The following WDR73 variants were observed in gnomAD, a reference collection of about 807,000 sequenced individuals.
WDR73 encodes the protein integrator complex assembly factor WDR73.
A neutral mutation model predicts 38.2 loss-of-function variants in WDR73; 30 were observed. That is an observed-to-expected ratio of 0.79 (90% CI 0.59 to 1.06). WDR73 has a LOEUF of 1.06. WDR73 is among the 50% of genes least tolerant of loss of function. The pLI, the probability that WDR73 is intolerant of heterozygous loss-of-function variation, is 0.00. For synonymous variants in WDR73, 197 were observed against 176.0 expected (o/e 1.12, Z -0.94); for missense variants, 487 against 467.0 (o/e 1.04, Z -0.40).
At chr15:84,648,395 C>T (rs1296511161) in intron 4 of WDR73, 142 bp downstream of exon 4, 22 of 660,944 alleles carry the variant, frequency 3.3e-5, no homozygotes, top group Admixed American at 1.5e-4. Context: ...CTGTGTGTAT[C>T]TGTGTGCACA....
In WDR73 at chr15:84,647,999, C is replaced by G. The variant is rs763924941; in HGVS notation, c.288-45G>C. On this transcript the variant is annotated intron_variant, in intron 4 of 7. Coordinates refer to ENST00000434634, the MANE Select transcript of WDR73 (RefSeq NM_032856.5). ...TCAGTCCAGACCATGGGGAGCTTATCCACACAGGTCCCTTCCCCTTTCCAG... is the reference window on the plus strand; with the variant it reads ...TCAGTCCAGACCATGGGGAGCTTATGCACACAGGTCCCTTCCCCTTTCCAG... 9 of 1,550,436 alleles carry G rather than the reference C, an allele frequency of 5.8e-6. No homozygotes were observed. The African/African-American group carries it at 1.1e-4, about 19-fold the overall frequency.
intron 7 of WDR73, chr15:84,645,051 C>T (rs558922419): frequency 1.1e-4 from 32 of 302,600 alleles, no homozygotes; most frequent in South Asian, 4.9e-4. Context: ...CCCAGGTTCA[C>T]GCCATTCTTC....
At chr15:84,653,495 G>A in intron 2 of WDR73, 137 bp downstream of exon 2, 2 of 644,966 alleles carry the variant, frequency 3.1e-6, no homozygotes, top group South Asian at 1.7e-5. Flanking sequence ...AGGAATATTA[G>A]TGCTGATGGG....
chr15:84,645,095 C>T, intron 7 of WDR73: 14 of 694,876 alleles, frequency 2.0e-5, no homozygotes, highest in Non-Finnish European at 2.7e-5. Context: ...GGACTACAGG[C>T]GCCTGCCACC....
chr15:84,647,961 A>C lies in WDR73; in HGVS notation c.288-7T>G, dbSNP rs201409506. On this transcript the variant is annotated splice_region_variant and splice_polypyrimidine_tract_variant and intron_variant, in intron 4 of 7. Coordinates refer to ENST00000434634, the MANE Select transcript of WDR73 (RefSeq NM_032856.5). ...GCCACTGGTAACCAGCAATCTATTC[A>C]GAAAAGACAAAATCAGTCCAGACCA... 1.2e-6 allele frequency: 2 copies of C among 1,614,000 alleles called. No homozygotes were observed. Among genetic ancestry groups the C allele is most frequent in the African/African-American group, 2.7e-5 (2 of 75,058 alleles).
intron 2 of WDR73, chr15:84,653,159 C>T: frequency 4.9e-6 from 1 of 204,788 alleles, no homozygotes; most frequent in East Asian, 1.2e-4. Context: ...AGCAATCTGC[C>T]CGCTGCCTCA....
At position 84,641,453 on chromosome 15, in the gene WDR73, A is replaced by T. The variant is rs1896254312; in HGVS notation, c.*2017T>A. ...CCAGGAAAGCCTGTTCCCCTAAGTA[A>T]GTTTGAACTTTAGTTACTTGAAAAA... On this transcript the variant is annotated 3_prime_UTR_variant, in exon 8 of 8. Transcript: ENST00000434634. 2 of 152,188 alleles carry T rather than the reference A, an allele frequency of 1.3e-5. No individual in the cohort carries two copies. Among genetic ancestry groups the T allele is most frequent in the South Asian group, 4.1e-4 (2 of 4,832 alleles). 9.4% of individuals were successfully genotyped at this position (152,188 alleles called of 1,614,324 possible).
intron 3 of WDR73, among the ~76,000 whole-genome samples, chr15:84,649,884 C>T (rs7181896): frequency 0.87 from 132,747 of 152,260 alleles, 58,098 homozygotes; most frequent in African/African-American, 0.95. Context: ...GCTGGGATTA[C>T]AGGTGTGAGT....
chr15:84,650,475 C>T (rs1466917611), intron 3 of WDR73, among the ~76,000 whole-genome samples: 3 of 152,176 alleles, frequency 2.0e-5, no homozygotes, highest in Admixed American at 6.5e-5. Flanking sequence ...ATTCTTCTGC[C>T]TCAGCCTCCT....
chr15:84,649,754 G>A (rs1341571717), intron 3 of WDR73, among the ~76,000 whole-genome samples: 1 of 152,036 alleles, frequency 6.6e-6, no homozygotes, highest in African/African-American at 2.4e-5. Flanking sequence ...ACAGACATAA[G>A]CCACCACACC....
rs1448248400 is a variant in WDR73 at position 84,647,988 on chromosome 15, G to A, written c.288-34C>T. ...AAAAGACAAAATCAGTCCAGACCAT[G>A]GGGAGCTTATCCACACAGGTCCCTT... On this transcript the variant is annotated intron_variant, in intron 4 of 7. Coordinates refer to ENST00000434634, the MANE Select transcript of WDR73 (RefSeq NM_032856.5). 3 of 1,603,764 alleles carry A rather than the reference G, an allele frequency of 1.9e-6. No individual in the cohort carries two copies. The Admixed American group carries it at 5.0e-5, about 27-fold the overall frequency.
intron 2 of WDR73, 139 bp downstream of exon 2, chr15:84,653,493 T>C (rs368468806): frequency 1.3e-5 from 8 of 638,250 alleles, no homozygotes; most frequent in South Asian, 7.0e-5. Flanking sequence ...AGAGGAATAT[T>C]AGTGCTGATG....
In WDR73 at chr15:84,648,590, A is replaced by G. The variant is rs932075374; in HGVS notation, c.234T>C (p.His78=). ...LFPERDFKVR[H]GGFSDRSIFD... is the part of the protein sequence containing the mutation. ...AGATAGACCTGTCTGAAAATCCTCC[A>G]TGGCGCACTTTGAAATCTCTTTCTG... Residue 78 remains histidine, a synonymous_variant, in exon 4 of 8, where the codon CAT becomes CAC. Coordinates refer to ENST00000434634, the MANE Select transcript of WDR73 (RefSeq NM_032856.5). 6.2e-7 allele frequency: 1 copy of G among 1,613,962 alleles called. No individual in the cohort carries two copies. The highest frequency in any genetic ancestry group is 8.5e-7 in the Non-Finnish European group (1 of 1,179,860).
intron 2 of WDR73, 83 bp downstream of exon 2, chr15:84,653,549 G>T (rs1223493823): frequency 8.8e-6 from 9 of 1,017,822 alleles, no homozygotes; most frequent in Non-Finnish European, 1.4e-5. Flanking sequence ...CAGAAGAGTG[G>T]GTTGGGTCCC....
chr15:84,646,106 C>CA (rs773630441), intron 6 of WDR73, 78 bp downstream of exon 6: 2 of 1,600,150 alleles, frequency 1.2e-6, no homozygotes, highest in African/African-American at 1.3e-5. Flanking sequence ...GAGTTGAACT[C>CA]AGTTTTTATA....
rs186909610 is a variant in WDR73, at chr15:84,648,389, G to T, written c.287+148C>A. The T allele has an allele frequency of 4.6e-5, 30 of 647,990 alleles. No individual in the cohort carries two copies. The Admixed American group carries it at 6.8e-4, about 15-fold the overall frequency. The allele number at this position is 647,990 out of a possible 1,614,324, so 40.1% of individuals were successfully genotyped here. On this transcript the variant is annotated intron_variant, in intron 4 of 7. Coordinates refer to ENST00000434634, the MANE Select transcript of WDR73 (RefSeq NM_032856.5). ...TGGTTTCTTTGTATTCTAAATCTGTGTGTATCTGTGTGCACACACTTGTGC... is the reference window on the plus strand; with the variant it reads ...TGGTTTCTTTGTATTCTAAATCTGTTTGTATCTGTGTGCACACACTTGTGC...
At position 84,646,240 on chromosome 15, in the gene WDR73, C is replaced by G; in HGVS notation, c.461G>C (p.Arg154Thr). The G allele has an allele frequency of 6.2e-7, 1 of 1,613,910 alleles. No individual in the cohort carries two copies. The highest frequency in any genetic ancestry group is 8.5e-7 in the Non-Finnish European group (1 of 1,179,884). Residue 154 changes from arginine (R) to threonine (T), a missense_variant, in exon 6 of 8, where the codon AGG becomes ACG. Physicochemically the swap from Arg to Thr is moderately conservative, Grantham distance 71 (BLOSUM62 -1). Coordinates refer to ENST00000434634, the MANE Select transcript of WDR73 (RefSeq NM_032856.5). ...ATCAACGACCTGCAGACTTCGGAGC[C>G]TCGCCCCATGGAGGACTCCGGGTGC... ...TLAPGVLHGA[R>T]LRSLQVVDLE... is the part of the protein sequence containing the mutation.
At chr15:84,646,913 GAC>G (rs1181562687) in intron 5 of WDR73, 2 of 154,076 alleles carry the variant, frequency 1.3e-5, no homozygotes, top group Non-Finnish European at 2.9e-5. Flanking sequence ...GTTTTTTTGA[GAC>G]AGAGTCTCAC....
chr15:84,645,627 T>C lies in WDR73; in HGVS notation c.727A>G (p.Ser243Gly), dbSNP rs1405757891. ...CAAAGACGCCCATCTGAGCCAAGGC[T>C]GGCAATGCTGGGCCCAGGGCCCTGG... ...WGQGPGPSIA[S>G]LGSDGRLCLL... The change falls in exon 7 of 8, where the codon AGC (serine) becomes GGC (glycine). Residue 243 changes from serine (S) to glycine (G), a missense_variant. Ser to Gly is a moderately conservative substitution (Grantham distance 56, BLOSUM62 0). Coordinates refer to ENST00000434634, the MANE Select transcript of WDR73 (RefSeq NM_032856.5). 1.9e-6 allele frequency: 3 copies of C among 1,608,784 alleles called. No individual in the cohort carries two copies. The highest frequency in any genetic ancestry group is 2.5e-6 in the Non-Finnish European group (3 of 1,177,752).
Sources: allele counts gnomAD v4.1 joint callset (sites outside exome capture counted in the v4.1 genomes callset), GRCh38; gene constraint gnomAD v4.1.1; transcripts MANE v1.5; gene names NCBI Gene and HGNC (gene_info 2026-07-23, HGNC 2026-07-21).